The following HSCB variants were observed in gnomAD, a reference collection of about 807,000 sequenced individuals.
HSCB encodes HscB mitochondrial iron-sulfur cluster cochaperone.
In HSCB, 23 loss-of-function variants were observed where a neutral mutation model predicts 31.3. The observed-to-expected ratio is 0.74, with a 90% CI of 0.53 to 1.04. HSCB has a LOEUF of 1.04. Among genes scored for constraint, HSCB ranks in the 50% least tolerant of loss-of-function variants. HSCB has a pLI of 0.00. For synonymous variants in HSCB, 110 were observed against 104.5 expected (o/e 1.05, Z -0.32); for missense variants, 297 against 288.1 (o/e 1.03, Z -0.22).
chr22:28,742,090 G>T lies in HSCB; in HGVS notation c.-6G>T. The T allele has an allele frequency of 6.2e-7, 1 of 1,604,480 alleles. No homozygotes were observed. Among genetic ancestry groups the T allele is most frequent in the Non-Finnish European group, 8.5e-7 (1 of 1,176,270 alleles). On this transcript the variant is annotated 5_prime_UTR_variant, in exon 1 of 6. Coordinates refer to ENST00000216027, the MANE Select transcript of HSCB (RefSeq NM_172002.5). Reference sequence around the variant, plus strand: ...AGTGACCACGGCTAGATAGGCCGCCGGCCAGATGTGGCGGGGGAGAGCCGG... The same window carrying T: ...AGTGACCACGGCTAGATAGGCCGCCTGCCAGATGTGGCGGGGGAGAGCCGG...
intron 5 of HSCB, among the ~76,000 whole-genome samples, chr22:28,753,266 C>A (rs1300981433): frequency 6.6e-6 from 1 of 152,140 alleles, no homozygotes; most frequent in African/African-American, 2.4e-5. Flanking sequence ...TGGCTCACAT[C>A]TGTAATCCCA....
chr22:28,747,883 C>G lies in HSCB; in HGVS notation c.568+1875C>G, dbSNP rs1047227039. 2.0e-5 allele frequency among the ~76,000 whole-genome samples: 3 copies of G among 149,268 alleles called. No individual in the cohort carries two copies. The South Asian group carries it at 7.0e-4, about 35-fold the overall frequency. On this transcript the variant is annotated intron_variant, in intron 4 of 5. Coordinates refer to ENST00000216027, the MANE Select transcript of HSCB (RefSeq NM_172002.5). ...GTCTCCCCTCCCCACCTTTCCCCCC[C>G]AAAAAAATCTGTTCCTCTTAGGCTG...
At chr22:28,757,036 G>A (rs752626907) in intron 5 of HSCB, 42 bp from the exon 6 acceptor site, 2 of 1,179,844 alleles carry the variant, frequency 1.7e-6, no homozygotes, top group Non-Finnish European at 2.5e-6. Flanking sequence ...TTTTATTCTT[G>A]CTTGAAATGA....
intron 5 of HSCB, among the ~76,000 whole-genome samples, chr22:28,755,048 C>G (rs1319089526): frequency 6.6e-6 from 1 of 150,576 alleles, no homozygotes; most frequent in Non-Finnish European, 1.5e-5. Flanking sequence ...CCCACCTCGG[C>G]CTCCCAAAGT....
intron 5 of HSCB, among the ~76,000 whole-genome samples, chr22:28,756,284 G>A (rs142797429): frequency 1.1e-4 from 16 of 151,322 alleles, no homozygotes; most frequent in African/African-American, 3.6e-4. Context: ...CCGGTCTAAA[G>A]GTGTCTTTCT....
intron 1 of HSCB, among the ~76,000 whole-genome samples, chr22:28,743,190 G>A (rs2054615340): frequency 6.6e-6 from 1 of 152,146 alleles, no homozygotes; most frequent in South Asian, 2.1e-4. Flanking sequence ...ATGGGCAGAA[G>A]GAAATTTGTA....
chr22:28,746,373 T>C (rs1417957755), intron 4 of HSCB, among the ~76,000 whole-genome samples: 3 of 95,832 alleles, frequency 3.1e-5, no homozygotes, highest in East Asian at 6.2e-4. Flanking sequence ...AGAGCGAGAC[T>C]CCATCTCAAA....
At chr22:28,748,735 T>C (rs1303814719) in intron 4 of HSCB, among the ~76,000 whole-genome samples, 3 of 152,076 alleles carry the variant, frequency 2.0e-5, no homozygotes, top group African/African-American at 7.2e-5. Context: ...CAGGCTGGTC[T>C]CAAACTCCTG....
chr22:28,749,862 T>C (rs1040930924), intron 4 of HSCB, among the ~76,000 whole-genome samples: 4 of 152,102 alleles, frequency 2.6e-5, no homozygotes, highest in African/African-American at 9.7e-5. Flanking sequence ...AATGACTTCA[T>C]TCCTCTGAGC....
At chr22:28,746,168 G>A (rs953512761) in intron 4 of HSCB, among the ~76,000 whole-genome samples, 160 bp downstream of exon 4, 3 of 151,984 alleles carry the variant, frequency 2.0e-5, no homozygotes, top group Non-Finnish European at 4.4e-5. Context: ...ATCACCTGAG[G>A]TCAGGAGTTC....
intron 4 of HSCB, among the ~76,000 whole-genome samples, chr22:28,747,762 C>T (rs1306174853): frequency 6.6e-6 from 1 of 152,178 alleles, no homozygotes; most frequent in Non-Finnish European, 1.5e-5. Context: ...ATATCAAGCA[C>T]TGTGCATGAC....
chr22:28,745,799 G>T, intron 3 of HSCB, 65 bp from the exon 4 acceptor site: 2 of 1,363,532 alleles, frequency 1.5e-6, no homozygotes, highest in Non-Finnish European at 2.0e-6. Flanking sequence ...TAATGGATGA[G>T]TAGGATTTAC....
At position 28,745,927 on chromosome 22, in the gene HSCB, A is replaced by G. The variant is rs764300257; in HGVS notation, c.487A>G (p.Ile163Val). Residue 163 changes from isoleucine to valine, a missense_variant, in exon 4 of 6, where the codon ATA (isoleucine) becomes GTA (valine). Physicochemically the swap from Ile to Val is conservative, Grantham distance 29. Coordinates refer to ENST00000216027, the MANE Select transcript of HSCB (RefSeq NM_172002.5). The part of the protein sequence containing the change: ...TDYEMDRQFL[I>V]EIMEINEKLA... ...TTATGAAATGGACAGGCAATTCCTC[A>G]TAGAAATAATGGAAATCAATGAAAA... The G allele has an allele frequency of 6.2e-7, 1 of 1,613,696 alleles. No individual in the cohort carries two copies. The highest frequency in any genetic ancestry group is 8.5e-7 in the Non-Finnish European group (1 of 1,179,608).
chr22:28,747,128 G>A (rs957281789), intron 4 of HSCB, among the ~76,000 whole-genome samples: 1 of 152,102 alleles, frequency 6.6e-6, no homozygotes, highest in Non-Finnish European at 1.5e-5. Flanking sequence ...GGATTTCTAT[G>A]TTACAGTCTT....
chr22:28,751,745 C>CA (rs201705418), intron 5 of HSCB, among the ~76,000 whole-genome samples: 1,050 of 104,668 alleles, frequency 0.01, 3 homozygotes, highest in African/African-American at 0.015. Context: ...GACTCCATCT[C>CA]AAAAAAAAAA....
At chr22:28,748,280 T>G (rs2029964430) in intron 4 of HSCB, among the ~76,000 whole-genome samples, 1 of 152,182 alleles carries the variant, frequency 6.6e-6, no homozygotes, top group Non-Finnish European at 1.5e-5. Flanking sequence ...ACAACCTTCT[T>G]CTTCCTTATG....
chr22:28,751,517 G>A (rs2030254045), intron 5 of HSCB, among the ~76,000 whole-genome samples: 1 of 152,178 alleles, frequency 6.6e-6, no homozygotes, highest in South Asian at 2.1e-4. Flanking sequence ...GGAGGCTAAG[G>A]CGGGCGGATC....
At chr22:28,743,144 T>G (rs533856881) in intron 1 of HSCB, among the ~76,000 whole-genome samples, 1 of 152,074 alleles carries the variant, frequency 6.6e-6, no homozygotes, top group Non-Finnish European at 1.5e-5. Flanking sequence ...GGTCTTGCAG[T>G]TGGGGAGAGA....
intron 5 of HSCB, among the ~76,000 whole-genome samples, chr22:28,755,215 C>A (rs961609403): frequency 1.3e-5 from 2 of 150,902 alleles, no homozygotes; most frequent in Admixed American, 6.6e-5. Flanking sequence ...TGGAGACCAT[C>A]CTGGCTAACA....
Sources: gnomAD v4.1 joint callset for allele counts (sites outside exome capture counted in the v4.1 genomes callset) on GRCh38, gnomAD v4.1.1 for gene constraint, MANE v1.5 for transcripts, NCBI Gene and HGNC (gene_info 2026-07-23, HGNC 2026-07-21) for gene names.